GLIS3: variants seen among roughly 807,000 people sequenced by gnomAD.
GLIS3 encodes zinc finger protein GLIS3.
A neutral mutation model predicts 78.6 loss-of-function variants in GLIS3; 53 were observed. The observed-to-expected ratio is 0.67, with a 90% CI of 0.54 to 0.85. The LOEUF is 0.85. Among genes scored for constraint, GLIS3 ranks in the 40% least tolerant of loss-of-function variants. The pLI, the probability that GLIS3 is intolerant of heterozygous loss-of-function variation, is 0.00. For missense variants in GLIS3, 1,703 were observed against 1,231.1 expected (o/e 1.38, Z -5.74); for synonymous variants, 684 against 509.9 (o/e 1.34, Z -4.60).
intron 6 of GLIS3, among the ~76,000 whole-genome samples, chr9:3,910,170 C>G (rs926068617): frequency 2.0e-5 from 3 of 152,176 alleles, no homozygotes; most frequent in African/African-American, 7.2e-5. Context: ...TCCTCACCTC[C>G]TCTCCTAGAC....
chr9:3,889,722 CAA>C (rs2130536568), intron 7 of GLIS3, among the ~76,000 whole-genome samples: 1 of 152,258 alleles, frequency 6.6e-6, no homozygotes, highest in African/African-American at 2.4e-5. Flanking sequence ...GCTTTGCAGG[CAA>C]AGAGGCAATG....
chr9:3,916,728 G>A (rs1824538928), intron 6 of GLIS3, among the ~76,000 whole-genome samples: 1 of 152,068 alleles, frequency 6.6e-6, no homozygotes, highest in Non-Finnish European at 1.5e-5. Flanking sequence ...GGTTGCCATG[G>A]CTACTGTTCA....
chr9:4,484,671 C>T, the GLIS3 span, among the ~76,000 whole-genome samples: 1 of 152,084 alleles, frequency 6.6e-6, no homozygotes, highest in African/African-American at 2.4e-5. Flanking sequence ...CCCACCTTGG[C>T]CTCCCAAAGT....
In GLIS3 at chr9:3,828,195, A is replaced by G. The variant is rs1381372384; in HGVS notation, c.*77T>C. 2.6e-6 allele frequency: 4 copies of G among 1,546,366 alleles called. No individual in the cohort carries two copies. In the African/African-American group the frequency reaches 5.4e-5, roughly 21 times the overall value. On this transcript the variant is annotated 3_prime_UTR_variant, in exon 11 of 11. Transcript: ENST00000381971. ...ATTGGGCTGACATCCTTCCTCAAGC[A>G]GTCTGTGAGAGTACGAAAACAAAAG...
At chr9:4,297,059 TAGG>T (rs1327437374) in intron 1 of GLIS3, among the ~76,000 whole-genome samples, 1 of 150,212 alleles carries the variant, frequency 6.7e-6, no homozygotes, top group Non-Finnish European at 1.5e-5. Flanking sequence ...GGAAACAAAC[TAGG>T]AGGAGATAAA....
At chr9:4,447,514 C>T in the GLIS3 span, among the ~76,000 whole-genome samples, 2 of 152,142 alleles carry the variant, frequency 1.3e-5, no homozygotes, top group African/African-American at 4.8e-5. Flanking sequence ...TCATTTATCC[C>T]ATAGTATTAC....
intron 2 of GLIS3, among the ~76,000 whole-genome samples, chr9:4,190,791 G>C (rs776920912): frequency 1.3e-5 from 2 of 152,082 alleles, no homozygotes; most frequent in Non-Finnish European, 2.9e-5. Flanking sequence ...GAGAAAGGTT[G>C]GGTTACCCAC....
intron 7 of GLIS3, among the ~76,000 whole-genome samples, chr9:3,880,500 A>AACTT (rs1025521117): frequency 6.6e-6 from 1 of 152,188 alleles, no homozygotes; most frequent in Non-Finnish European, 1.5e-5. Flanking sequence ...GATTCTCTTT[A>AACTT]ACTTCCTTCT....
chr9:4,275,201 G>A (rs1220950225), intron 2 of GLIS3, among the ~76,000 whole-genome samples: 1 of 152,220 alleles, frequency 6.6e-6, no homozygotes, highest in East Asian at 1.9e-4. Context: ...AACTCCTCCC[G>A]AGTAGGCAAC....
At chr9:4,439,898 G>A in the GLIS3 span, among the ~76,000 whole-genome samples, 26 of 152,140 alleles carry the variant, frequency 1.7e-4, 1 homozygote, top group African/African-American at 5.3e-4. Flanking sequence ...GCCCAGGCTG[G>A]TCTTGAACTC....
At chr9:4,464,284 G>C in the GLIS3 span, among the ~76,000 whole-genome samples, 1 of 151,640 alleles carries the variant, frequency 6.6e-6, no homozygotes, top group Non-Finnish European at 1.5e-5. Context: ...AATTGTTTTA[G>C]TTTCACTGTT....
chr9:4,278,003 C>T (rs1248003453), intron 2 of GLIS3, among the ~76,000 whole-genome samples: 1 of 151,770 alleles, frequency 6.6e-6, no homozygotes, highest in African/African-American at 2.4e-5. Flanking sequence ...TTCACCTCCG[C>T]TCATTAAAAA....
intron 2 of GLIS3, among the ~76,000 whole-genome samples, chr9:4,209,127 T>G (rs1210388450): frequency 6.6e-6 from 1 of 152,186 alleles, no homozygotes; most frequent in African/African-American, 2.4e-5. Flanking sequence ...TCTTCCTGCA[T>G]CAAAATGGAC....
intron 2 of GLIS3, among the ~76,000 whole-genome samples, chr9:4,311,310 G>A (rs1411570919): frequency 1.3e-5 from 2 of 152,192 alleles, no homozygotes; most frequent in Non-Finnish European, 2.9e-5. Context: ...TTGGGAGGCT[G>A]AGGCAAAAGA....
the GLIS3 span, among the ~76,000 whole-genome samples, chr9:4,399,411 T>C: frequency 6.6e-6 from 1 of 152,232 alleles, no homozygotes; most frequent in South Asian, 2.1e-4. Context: ...ACAACAGCAC[T>C]GAAAGTAGAT....
intron 4 of GLIS3, among the ~76,000 whole-genome samples, chr9:4,050,245 C>A (rs1395524582): frequency 6.6e-6 from 1 of 152,146 alleles, no homozygotes; most frequent in Admixed American, 6.6e-5. Context: ...GGCACATATA[C>A]CCCATGGAAT....
intron 4 of GLIS3, among the ~76,000 whole-genome samples, chr9:4,055,746 C>T (rs1006867978): frequency 1.3e-5 from 2 of 152,198 alleles, no homozygotes; most frequent in African/African-American, 2.4e-5. Flanking sequence ...CGTGGATCAA[C>T]CACAGCAAGC....
chr9:3,895,149 C>A (rs1229745471), intron 7 of GLIS3, among the ~76,000 whole-genome samples: 1 of 152,190 alleles, frequency 6.6e-6, no homozygotes, highest in Admixed American at 6.5e-5. Context: ...ATATGGGCTT[C>A]TATATATCAT....
intron 4 of GLIS3, among the ~76,000 whole-genome samples, chr9:4,003,139 G>C (rs927964117): frequency 2.0e-5 from 3 of 152,130 alleles, no homozygotes; most frequent in African/African-American, 7.2e-5. Flanking sequence ...CAGTACTTTA[G>C]GAGGCTGAGG....
Sources: gnomAD v4.1 joint callset for allele counts (sites outside exome capture counted in the v4.1 genomes callset) on GRCh38, gnomAD v4.1.1 for gene constraint, MANE v1.5 for transcripts, NCBI Gene and HGNC (gene_info 2026-07-23, HGNC 2026-07-21) for gene names.